The following WDR24 variants were observed in gnomAD, a reference collection of about 807,000 sequenced individuals.
WDR24 encodes WD repeat domain 24.
Under a neutral mutation model 66.7 loss-of-function variants are expected in WDR24, and 32 were observed. The observed-to-expected ratio is 0.48, with a 90% CI of 0.36 to 0.64. The LOEUF (loss-of-function observed/expected upper bound fraction) is 0.64, where lower values mean the gene tolerates loss of function less well. WDR24 is among the 30% of genes least tolerant of loss of function. WDR24 has a pLI of 0.00. For missense variants in WDR24, 978 were observed against 1,144.1 expected (o/e 0.85, Z 2.09); for synonymous variants, 565 against 469.1 (o/e 1.20, Z -2.64).
At position 685,196 on chromosome 16, in the gene WDR24, GCAGT is replaced by G; in HGVS notation, c.2020-24_2020-21del. The G allele has an allele frequency of 6.3e-7, 1 of 1,596,344 alleles. No homozygotes were observed. The highest frequency in any genetic ancestry group is 8.5e-7 in the Non-Finnish European group (1 of 1,171,292). On this transcript the variant is annotated intron_variant, in intron 7 of 8. Transcript: ENST00000293883. ...GTGCTCCTGGGGGAGGGAGCGCCCG[GCAGT>G]CAGGATCTGGGTGCCAGGGGCGGCG...
In WDR24 at chr16:689,418, G is replaced by A; in HGVS notation, c.223C>T (p.Leu75=). 6.2e-7 allele frequency: 1 copy of A among 1,613,666 alleles called. No individual in the cohort carries two copies. The highest frequency in any genetic ancestry group is 1.7e-5 in the Admixed American group (1 of 60,026). The change falls in exon 1 of 9, where the codon CTG becomes TTG. Residue 75 remains leucine, a synonymous_variant. Transcript: ENST00000293883. ...TGCCAGACCACGTCAGCACAGCTCAGGTTAAGCGAAGGCTTGCGCCCCACA... is the reference window on the plus strand; with the variant it reads ...TGCCAGACCACGTCAGCACAGCTCAAGTTAAGCGAAGGCTTGCGCCCCACA... ...LRVGRKPSLN[L]SCADVVWHQM...
chr16:688,906 C>T (rs2039938249), intron 1 of WDR24: 1 of 542,422 alleles, frequency 1.8e-6, no homozygotes, highest in South Asian at 2.2e-5. Flanking sequence ...GGGGCTCTGC[C>T]CTCCCTCACC....
In WDR24 at chr16:684,893, G is replaced by A; in HGVS notation, c.2214C>T (p.Arg738=). Residue 738 remains arginine (R), a synonymous_variant, in exon 9 of 9, where the codon CGC becomes CGT. Coordinates refer to ENST00000293883, the MANE Select transcript of WDR24 (RefSeq NM_032259.4). ...GGCAGACGGCACACATGCTGGCGCA[G>A]CGGTGGCACCTGGGGGCGGGCGGGA... is the stretch of plus-strand genomic sequence containing the variant. The part of the protein sequence containing the change: ...SRGWVCDRCH[R]CASMCAVCHH... The A allele has an allele frequency of 6.5e-7, 1 of 1,542,172 alleles. No individual in the cohort carries two copies. Among genetic ancestry groups the A allele is most frequent in the Non-Finnish European group, 8.7e-7 (1 of 1,144,822 alleles).
chr16:687,005 C>G lies in WDR24; in HGVS notation c.1071G>C (p.Glu357Asp). The G allele has an allele frequency of 6.2e-7, 1 of 1,601,870 alleles. No homozygotes were observed. The highest frequency in any genetic ancestry group is 8.5e-7 in the Non-Finnish European group (1 of 1,178,228). ...LFGDLAFAAKESLVAAESGRK... is the reference protein window; with the variant it reads ...LFGDLAFAAKDSLVAAESGRK... Reference sequence around the variant, plus strand: ...GCCCCGACTCGGCAGCCACGAGGCTCTCCTTGGCGGCGAAGGCCAGGTCCC... The same window carrying G: ...GCCCCGACTCGGCAGCCACGAGGCTGTCCTTGGCGGCGAAGGCCAGGTCCC... Residue 357 changes from glutamate (E) to aspartate (D), a missense_variant, in exon 3 of 9, where the codon GAG (glutamate) becomes GAC (aspartate). Transcript: ENST00000293883.
At position 687,283 on chromosome 16, in the gene WDR24, G is replaced by A. The variant is rs2039920117; in HGVS notation, c.793C>T (p.His265Tyr). 1 of 1,611,440 alleles carries A rather than the reference G, an allele frequency of 6.2e-7. No individual in the cohort carries two copies. Among genetic ancestry groups the A allele is most frequent in the Non-Finnish European group, 8.5e-7 (1 of 1,179,806 alleles). ...ARVKWRPECR[H>Y]HLATCSMMVD... Reference sequence around the variant, plus strand: ...ATCATGGAGCACGTGGCCAGGTGGTGGCGGCACTCTGGCCGCCACTTCACA... The same window carrying A: ...ATCATGGAGCACGTGGCCAGGTGGTAGCGGCACTCTGGCCGCCACTTCACA... The change falls in exon 3 of 9, where the codon CAC becomes TAC. Residue 265 changes from histidine (H) to tyrosine (Y), a missense_variant. Transcript: ENST00000293883.
intron 3 of WDR24, 124 bp from the exon 4 acceptor site, chr16:686,310 C>G: frequency 1.8e-6 from 2 of 1,095,902 alleles, no homozygotes; most frequent in South Asian, 3.2e-5. Flanking sequence ...ATGTCCAGGC[C>G]CACCCCAGGT....
Position 690,386 on chromosome 16 carries a change from C to T in WDR24, c.-746G>A, listed in dbSNP as rs1480431808. On this transcript the variant is annotated 5_prime_UTR_variant, in exon 1 of 9. Coordinates refer to ENST00000293883, the MANE Select transcript of WDR24 (RefSeq NM_032259.4). ...AAAGCGCACGGTTGTCCGGAACCGC[C>T]GCGCCGGAAGCCGCTGTCTTTCCCG... 2 of 456,580 alleles carry T rather than the reference C, an allele frequency of 4.4e-6. No homozygotes were observed. The highest frequency in any genetic ancestry group is 6.9e-5 in the East Asian group (1 of 14,394). 28.3% of individuals were successfully genotyped at this position (456,580 alleles called of 1,614,324 possible).
Position 685,244 on chromosome 16 carries a change from G to A in WDR24, c.2019+13C>T, listed in dbSNP as rs879778382. 2.5e-6 allele frequency: 4 copies of A among 1,592,842 alleles called. No individual in the cohort carries two copies. The highest frequency in any genetic ancestry group is 1.7e-5 in the Admixed American group (1 of 59,606). On this transcript the variant is annotated intron_variant, in intron 7 of 8. Transcript: ENST00000293883. The stretch of plus-strand genomic sequence containing the variant: ...GGCGGCGCTGCAGGGGGGAGGCCCC[G>A]CCCACCACACACCTGGGTCTGCTCG...
intron 7 of WDR24, 36 bp from the exon 8 acceptor site, chr16:685,212 TGCC>T: frequency 1.3e-6 from 2 of 1,598,052 alleles, no homozygotes; most frequent in South Asian, 2.2e-5. Flanking sequence ...AGGATCTGGG[TGCC>T]AGGGGCGGCG....
At position 687,580 on chromosome 16, in the gene WDR24, T is replaced by A. The variant is rs2039924123; in HGVS notation, c.641A>T (p.Asp214Val). The change falls in exon 2 of 9, where the codon GAC becomes GTC. Residue 214 changes from aspartate to valine, a missense_variant. By Grantham distance (152) the Asp-to-Val change is radical. This residue lies in a region of WDR24 where 302 missense variants were observed against 526.6 expected (regional missense o/e 0.57). Coordinates refer to ENST00000293883, the MANE Select transcript of WDR24 (RefSeq NM_032259.4). ...TAHNGPVFCCDWHPEDRGWLA... is the reference protein window; with the variant it reads ...TAHNGPVFCCVWHPEDRGWLA... ...GCCACACCTGTCCTCGGGGTGCCAG[T>A]CGCAGCAGAAGACGGGTCCGTTGTG... 1 of 1,612,878 alleles carries A rather than the reference T, an allele frequency of 6.2e-7. No homozygotes were observed. Among genetic ancestry groups the A allele is most frequent in the Non-Finnish European group, 8.5e-7 (1 of 1,179,826 alleles).
chr16:689,068 C>T, intron 1 of WDR24, 92 bp downstream of exon 1: 1 of 1,548,492 alleles, frequency 6.5e-7, no homozygotes, highest in South Asian at 1.2e-5. Context: ...ATCCTGAGGG[C>T]CTCTGATGCA....
At position 688,632 on chromosome 16, in the gene WDR24, T is replaced by A. The variant is rs190769426; in HGVS notation, c.481+528A>T. ...TGGCCTGAAAATTCTCTGAGGCCCC[T>A]GAGGGCTCCGCCTTGTGCTTCATAC... On this transcript the variant is annotated intron_variant, in intron 1 of 8. Coordinates refer to ENST00000293883, the MANE Select transcript of WDR24 (RefSeq NM_032259.4). 2.0e-5 allele frequency among the ~76,000 whole-genome samples: 3 copies of A among 152,346 alleles called. No homozygotes were observed. The East Asian group carries it at 5.8e-4, about 29-fold the overall frequency.
rs185977193 is a variant in WDR24, at chr16:687,477, C to T, written c.660-61G>A. On this transcript the variant is annotated intron_variant, in intron 2 of 8. Coordinates refer to ENST00000293883, the MANE Select transcript of WDR24 (RefSeq NM_032259.4). Reference sequence around the variant, plus strand: ...CTTTCCTGCAGAGAGGGGACCCCCCCGCTCTGCTGCTCCGGACTGTCTCAT... The same window carrying T: ...CTTTCCTGCAGAGAGGGGACCCCCCTGCTCTGCTGCTCCGGACTGTCTCAT... 5,069 of 1,575,936 alleles carry T rather than the reference C, an allele frequency of 3.2e-3. 15 individuals carry two copies. The highest frequency in any genetic ancestry group is 4.0e-3 in the Non-Finnish European group (4,700 of 1,161,416).
Position 690,178 on chromosome 16 carries a change from G to A in WDR24, c.-538C>T, listed in dbSNP as rs2039950232. On this transcript the variant is annotated 5_prime_UTR_variant, in exon 1 of 9. Coordinates refer to ENST00000293883, the MANE Select transcript of WDR24 (RefSeq NM_032259.4). ...CGGGAAGGGCCCAGAGGGACGTCAA[G>A]GACCGAGCTACTTAAGGAGCTCGAG... The A allele has an allele frequency of 2.5e-6, 1 of 403,120 alleles. No homozygotes were observed. Among genetic ancestry groups the A allele is most frequent in the Admixed American group, 2.9e-5 (1 of 34,926 alleles). 25.0% of individuals were successfully genotyped at this position (403,120 alleles called of 1,614,324 possible).
At chr16:688,243 AAGGGCGGTACCCAACCTTCCTCC>A in intron 1 of WDR24, 1 of 362,962 alleles carries the variant, frequency 2.8e-6, no homozygotes, top group South Asian at 2.0e-5. Flanking sequence ...AAGAAACTTC[AAGGGCGGTACCCAACCTTCCTCC>A]AGGGCCCTGC....
chr16:686,647 T>C, intron 3 of WDR24, 97 bp downstream of exon 3: 2 of 1,415,190 alleles, frequency 1.4e-6, no homozygotes, highest in Non-Finnish European at 1.9e-6. Flanking sequence ...CTGGAGTCCA[T>C]TGCGGAGCTT....
intron 3 of WDR24, 147 bp downstream of exon 3, chr16:686,597 C>T (rs1184602488): frequency 2.4e-6 from 2 of 828,180 alleles, no homozygotes; most frequent in Non-Finnish European, 3.3e-6. Flanking sequence ...GTGATCCTGA[C>T]ACCCTCAGCT....
rs771124128 is a variant in WDR24, at chr16:685,509, C to T, written c.1767G>A (p.Gln589=). ...VDTPPGPEHL[Q]DKADSPHVSG... is the part of the protein sequence containing the mutation. ...TCACGTGCGGGGAGTCGGCCTTGTC[C>T]TGCAGGTGCTCGGGCCCGGGAGGCG... is the stretch of plus-strand genomic sequence containing the variant. The change falls in exon 7 of 9, where the codon CAG becomes CAA. Residue 589 remains glutamine, a synonymous_variant. Transcript: ENST00000293883. The T allele has an allele frequency of 1.9e-6, 3 of 1,593,972 alleles. No homozygotes were observed. Among genetic ancestry groups the T allele is most frequent in the Non-Finnish European group, 2.6e-6 (3 of 1,166,782 alleles).
rs2039915327 is a variant in WDR24, at chr16:686,945, G to A, written c.1131C>T (p.Ile377=). ...CAGGGTCCAGCTTGCGCTTAAAGAAGATGGGGTGGCGCCGGTCGCCAGTGT... is the reference window on the plus strand; with the variant it reads ...CAGGGTCCAGCTTGCGCTTAAAGAAAATGGGGTGGCGCCGGTCGCCAGTGT... ...KPYTGDRRHP[I]FFKRKLDPAE... is the part of the protein sequence containing the mutation. The change falls in exon 3 of 9, where the codon ATC becomes ATT. Residue 377 remains isoleucine, a synonymous_variant. Transcript: ENST00000293883. The A allele has an allele frequency of 1.2e-6, 2 of 1,602,642 alleles. No individual in the cohort carries two copies. Among genetic ancestry groups the A allele is most frequent in the Middle Eastern group, 1.7e-4 (1 of 6,050 alleles).
Sources: gnomAD v4.1 joint callset for allele counts (sites outside exome capture counted in the v4.1 genomes callset) on GRCh38, gnomAD v4.1.1 for gene constraint, gnomAD v4.1.1 regional missense constraint, MANE v1.5 for transcripts, NCBI Gene and HGNC (gene_info 2026-07-23, HGNC 2026-07-21) for gene names.